TMEM117: variants seen among roughly 807,000 people sequenced by gnomAD.
TMEM117 encodes transmembrane protein 117.
In TMEM117, 27 loss-of-function variants were observed where a neutral mutation model predicts 52.4. That is an observed-to-expected ratio of 0.51 (90% CI 0.38 to 0.71). The LOEUF (loss-of-function observed/expected upper bound fraction) is 0.71, where lower values mean the gene tolerates loss of function less well. Ranked by LOEUF, TMEM117 falls within the 30% of genes least tolerant of loss-of-function variation. TMEM117 has a pLI of 0.00. For synonymous variants in TMEM117, 215 were observed against 206.3 expected (o/e 1.04, Z -0.36); for missense variants, 556 against 630.5 (o/e 0.88, Z 1.26).
chr12:44,209,196 T>C (rs1949613363), intron 4 of TMEM117, among the ~76,000 whole-genome samples: 1 of 152,164 alleles, frequency 6.6e-6, no homozygotes, highest in South Asian at 2.1e-4. Flanking sequence ...GATATAAAGC[T>C]CTTTTTATAC....
At chr12:44,126,418 C>T (rs976287240) in intron 3 of TMEM117, among the ~76,000 whole-genome samples, 9 of 152,184 alleles carry the variant, frequency 5.9e-5, no homozygotes, top group Non-Finnish European at 1.2e-4. Flanking sequence ...TGGAATTTCT[C>T]TCCCTCCTTT....
chr12:44,231,598 A>T (rs1396078903), intron 5 of TMEM117, among the ~76,000 whole-genome samples: 3 of 151,766 alleles, frequency 2.0e-5, no homozygotes, highest in Admixed American at 6.6e-5. Context: ...AGTGTATGAA[A>T]GTTATCTTTG....
intron 2 of TMEM117, among the ~76,000 whole-genome samples, chr12:43,846,436 A>G (rs1004974341): frequency 6.6e-6 from 1 of 152,220 alleles, no homozygotes. Flanking sequence ...CCTGGTCTCA[A>G]GTTTAAACTC....
the TMEM117 span, among the ~76,000 whole-genome samples, chr12:43,813,231 GTTT>G: frequency 0.036 from 2,236 of 62,292 alleles, 26 homozygotes; most frequent in African/African-American, 0.057. Flanking sequence ...GTTTTCTCTT[GTTT>G]TTTTTTTTTT....
chr12:44,218,574 G>A (rs1214011814), intron 5 of TMEM117, among the ~76,000 whole-genome samples: 1 of 152,084 alleles, frequency 6.6e-6, no homozygotes, highest in African/African-American at 2.4e-5. Context: ...ACATGCCAAG[G>A]TTGCTCACTC....
chr12:44,190,696 C>T (rs111342892), intron 4 of TMEM117, among the ~76,000 whole-genome samples: 3 of 152,106 alleles, frequency 2.0e-5, no homozygotes, highest in African/African-American at 7.2e-5. Flanking sequence ...CTGCCCAGCC[C>T]TCATCCAGTT....
At chr12:43,819,691 G>A in the TMEM117 span, among the ~76,000 whole-genome samples, 1 of 152,214 alleles carries the variant, frequency 6.6e-6, no homozygotes, top group South Asian at 2.1e-4. Flanking sequence ...CAGGAGAATC[G>A]CATGAACCCA....
chr12:43,981,551 A>G (rs1188490379), intron 3 of TMEM117, among the ~76,000 whole-genome samples: 6 of 152,244 alleles, frequency 3.9e-5, no homozygotes, highest in Middle Eastern at 3.4e-3. Flanking sequence ...TGTTCGAGAA[A>G]CTGTGAGATA....
intron 3 of TMEM117, among the ~76,000 whole-genome samples, chr12:44,078,685 T>C (rs1446411773): frequency 6.6e-6 from 1 of 152,180 alleles, no homozygotes; most frequent in Non-Finnish European, 1.5e-5. Context: ...GGTATTATTA[T>C]TATTTTGTTT....
chr12:43,848,189 G>A (rs923881232), intron 2 of TMEM117, among the ~76,000 whole-genome samples: 6 of 152,136 alleles, frequency 3.9e-5, no homozygotes, highest in African/African-American at 1.2e-4. Context: ...CCACTGATAA[G>A]GGTCTATGTT....
chr12:44,018,388 C>T (rs1445401498), intron 3 of TMEM117, among the ~76,000 whole-genome samples: 2 of 152,110 alleles, frequency 1.3e-5, no homozygotes, highest in Non-Finnish European at 1.5e-5. Flanking sequence ...TTTAGACCTA[C>T]TGAATTTGCA....
chr12:44,209,150 G>A (rs1229636747), intron 4 of TMEM117, among the ~76,000 whole-genome samples: 1 of 151,964 alleles, frequency 6.6e-6, no homozygotes, highest in African/African-American at 2.4e-5. Context: ...TGTTGTATTT[G>A]GAAAAAACAG....
intron 2 of TMEM117, among the ~76,000 whole-genome samples, chr12:43,912,507 T>TTATTTATATATATATATATATA (rs1555183814): frequency 7.6e-6 from 1 of 132,086 alleles, no homozygotes; most frequent in African/African-American, 4.0e-5. Context: ...TAATAATAAT[T>TTATTTATATATATATATATATA]TATATATATA....
intron 2 of TMEM117, among the ~76,000 whole-genome samples, chr12:43,923,161 G>A (rs1944723735): frequency 1.3e-5 from 2 of 152,076 alleles, no homozygotes; most frequent in Admixed American, 1.3e-4. Context: ...CCCTGGAAGT[G>A]GAGAGTGGGC....
chr12:44,258,781 C>G (rs1950289385), intron 5 of TMEM117, among the ~76,000 whole-genome samples: 1 of 151,966 alleles, frequency 6.6e-6, no homozygotes, highest in Non-Finnish European at 1.5e-5. Flanking sequence ...GTGGCTGTGT[C>G]CAGAGACTGC....
intron 2 of TMEM117, among the ~76,000 whole-genome samples, chr12:43,876,617 T>C (rs897602078): frequency 2.0e-5 from 3 of 152,206 alleles, no homozygotes; most frequent in Non-Finnish European, 4.4e-5. Flanking sequence ...ACCTGTCCTG[T>C]CTACCTTCTG....
chr12:44,266,340 G>A (rs1278020978), intron 5 of TMEM117, among the ~76,000 whole-genome samples: 1 of 152,076 alleles, frequency 6.6e-6, no homozygotes, highest in African/African-American at 2.4e-5. Context: ...GATGTGAACT[G>A]CTATCTCATT....
At chr12:43,993,340 G>T (rs1945973702) in intron 3 of TMEM117, among the ~76,000 whole-genome samples, 1 of 152,198 alleles carries the variant, frequency 6.6e-6, no homozygotes, top group Admixed American at 6.5e-5. Context: ...CACAGTGCCT[G>T]GCACATAATG....
At chr12:44,129,047 C>G (rs575492434) in intron 3 of TMEM117, among the ~76,000 whole-genome samples, 6 of 152,282 alleles carry the variant, frequency 3.9e-5, no homozygotes, top group South Asian at 2.1e-4. Flanking sequence ...GTGTGTCTTA[C>G]TGTTAGTGTG....
Sources: allele counts gnomAD v4.1 joint callset (sites outside exome capture counted in the v4.1 genomes callset), GRCh38; gene constraint gnomAD v4.1.1; transcripts MANE v1.5; gene names NCBI Gene and HGNC (gene_info 2026-07-23, HGNC 2026-07-21).